Variants in ANO3 observed in about 807,000 individuals in gnomAD.
ANO3 encodes the protein anoctamin 3, also known as anoctamin-3.
Under a neutral mutation model 144.8 loss-of-function variants are expected in ANO3, and 99 were observed. The observed-to-expected ratio is 0.68, with a 90% CI of 0.58 to 0.81. The LOEUF (loss-of-function observed/expected upper bound fraction) is 0.81, where lower values mean the gene tolerates loss of function less well. ANO3 is among the 30% of genes least tolerant of loss of function. The pLI is 0.00. For synonymous variants in ANO3, 414 were observed against 392.6 expected (o/e 1.05, Z -0.64); for missense variants, 905 against 1,202.2 (o/e 0.75, Z 3.66).
At chr11:26,365,967 TATATATATATATATATATATATA>T (rs1564984748) in intron 1 of ANO3, among the ~76,000 whole-genome samples, 1 of 1,630 alleles carries the variant, frequency 6.1e-4, no homozygotes, top group African/African-American at 8.6e-4. Context: ...TATATATATA[TATATATATATATATATATATATA>T]TATATATATA....
chr11:26,317,527 T>C (rs1433381641), intron 1 of ANO3, among the ~76,000 whole-genome samples: 1 of 152,146 alleles, frequency 6.6e-6, no homozygotes, highest in Non-Finnish European at 1.5e-5. Flanking sequence ...TCACTGGTCA[T>C]TACAGAAACG....
chr11:26,470,801 T>C (rs560284724), intron 4 of ANO3, among the ~76,000 whole-genome samples: 103 of 152,120 alleles, frequency 6.8e-4, no homozygotes, highest in Admixed American at 4.6e-4. Flanking sequence ...TAAGTATTCA[T>C]AGATTTAAGC....
Position 26,405,268 on chromosome 11 carries a change from A to G in ANO3, c.47-36650A>G, listed in dbSNP as rs895571672. On this transcript the variant is annotated intron_variant, in intron 1 of 26. Transcript: ENST00000256737. The stretch of plus-strand genomic sequence containing the variant: ...ATGCTTGAAATAACCCATTTCTAGA[A>G]TTCTCCTCAGTCACCTTTGGATATC... 2.0e-5 allele frequency among the ~76,000 whole-genome samples: 3 copies of G among 151,676 alleles called. No homozygotes were observed. The East Asian group carries it at 5.8e-4, about 29-fold the overall frequency.
At chr11:26,570,078 A>G (rs944280826) in intron 14 of ANO3, among the ~76,000 whole-genome samples, 2 of 152,140 alleles carry the variant, frequency 1.3e-5, no homozygotes, top group Non-Finnish European at 2.9e-5. Context: ...GAGGATTTCC[A>G]GTTCCTTTGT....
At position 26,641,989 on chromosome 11, in the gene ANO3, C is replaced by G; in HGVS notation, c.2235C>G (p.Pro745=). 1 of 1,613,902 alleles carries G rather than the reference C, an allele frequency of 6.2e-7. No individual in the cohort carries two copies. Among genetic ancestry groups the G allele is most frequent in the Non-Finnish European group, 8.5e-7 (1 of 1,179,940 alleles). ...PQWENDWNLQ[P]MNLHGLMDEY... ...GGGAAAATGATTGGAATCTGCAGCC[C>G]ATGAACCTTCATGGACTGATGGATG... Residue 745 remains proline, a synonymous_variant, in exon 22 of 27, where the codon CCC becomes CCG. Coordinates refer to ENST00000256737, the MANE Select transcript of ANO3 (RefSeq NM_031418.4).
chr11:26,364,096 A>C (rs748232505), intron 1 of ANO3, among the ~76,000 whole-genome samples: 2 of 152,186 alleles, frequency 1.3e-5, no homozygotes, highest in Non-Finnish European at 2.9e-5. Flanking sequence ...TGTTTTAACT[A>C]CAGCATTCGC....
chr11:26,195,067 G>A (rs1006157695), intron 1 of ANO3, among the ~76,000 whole-genome samples: 2 of 152,138 alleles, frequency 1.3e-5, no homozygotes, highest in Admixed American at 6.5e-5. Context: ...GGGCATTCCT[G>A]TTTTTCTACC....
intron 1 of ANO3, among the ~76,000 whole-genome samples, chr11:26,372,594 T>C (rs1856292431): frequency 6.6e-6 from 1 of 152,238 alleles, no homozygotes; most frequent in Non-Finnish European, 1.5e-5. Context: ...TCAATTATTT[T>C]CTTTATCAAA....
chr11:26,290,323 A>G (rs1853926409), intron 1 of ANO3, among the ~76,000 whole-genome samples: 1 of 151,856 alleles, frequency 6.6e-6, no homozygotes, highest in African/African-American at 2.4e-5. Context: ...TAGTCTTGCT[A>G]GTGGTCTATC....
At chr11:26,341,102 C>T (rs1855346885) in intron 1 of ANO3, among the ~76,000 whole-genome samples, 1 of 151,040 alleles carries the variant, frequency 6.6e-6, no homozygotes, top group Non-Finnish European at 1.5e-5. Flanking sequence ...CGCTTCTCTT[C>T]CCCTTTCCTT....
At chr11:26,596,614 A>G (rs1244303735) in intron 14 of ANO3, among the ~76,000 whole-genome samples, 1 of 152,146 alleles carries the variant, frequency 6.6e-6, no homozygotes, top group Non-Finnish European at 1.5e-5. Context: ...CCCTTTGGAG[A>G]TACAACCTGC....
At chr11:26,569,059 G>A (rs1322213078) in intron 14 of ANO3, among the ~76,000 whole-genome samples, 1 of 151,956 alleles carries the variant, frequency 6.6e-6, no homozygotes, top group East Asian at 1.9e-4. Context: ...AATATTATGT[G>A]AGAGACATGG....
chr11:26,486,229 C>T (rs1048057705), intron 4 of ANO3, among the ~76,000 whole-genome samples: 26 of 151,670 alleles, frequency 1.7e-4, no homozygotes, highest in Non-Finnish European at 3.7e-4. Context: ...GATGTGATGG[C>T]GTGCACCTGT....
upstream of ANO3, chr11:26,332,091 C>G: frequency 6.8e-7 from 1 of 1,462,904 alleles, no homozygotes; most frequent in Middle Eastern, 2.5e-4. Flanking sequence ...ACCGCCCTCC[C>G]GCGTTCCCAT....
rs548964440 is a variant in ANO3 at position 26,257,090 on chromosome 11, A to G, written c.155-52555A>G. Among the ~76,000 whole-genome samples the G allele has an allele frequency of 2.6e-5, 4 of 152,156 alleles. No individual in the cohort carries two copies. In the South Asian group the frequency reaches 8.3e-4, roughly 32 times the overall value. On this transcript the variant is annotated intron_variant, in intron 1 of 27. Coordinates refer to the ANO3 transcript ENST00000672621. ...CCTAAAAGGAATATAGAATTGAAGG[A>G]ATCATCAAAATCTAGATCATTAATA...
chr11:26,226,864 G>A (rs1035556428), intron 1 of ANO3, among the ~76,000 whole-genome samples: 2 of 151,958 alleles, frequency 1.3e-5, no homozygotes, highest in Admixed American at 1.3e-4. Context: ...TTGTTGTACA[G>A]CCATCACCAT....
chr11:26,521,435 A>G (rs561881503), intron 6 of ANO3, among the ~76,000 whole-genome samples: 1 of 152,264 alleles, frequency 6.6e-6, no homozygotes, highest in East Asian at 1.9e-4. Context: ...CTTCTGTCAT[A>G]AACATGAATC....
At chr11:26,476,514 A>G (rs969549532) in intron 4 of ANO3, among the ~76,000 whole-genome samples, 16 of 152,060 alleles carry the variant, frequency 1.1e-4, no homozygotes, top group Non-Finnish European at 1.5e-4. Flanking sequence ...GATGGCCAAG[A>G]GGAGAGGTGA....
chr11:26,260,784 A>G (rs1488556751), intron 1 of ANO3, among the ~76,000 whole-genome samples: 1 of 152,104 alleles, frequency 6.6e-6, no homozygotes, highest in Non-Finnish European at 1.5e-5. Context: ...GCATGGCTTC[A>G]GATCACTTTA....
Sources: gnomAD v4.1 joint callset for allele counts (sites outside exome capture counted in the v4.1 genomes callset) on GRCh38, gnomAD v4.1.1 for gene constraint, MANE v1.5 for transcripts, NCBI Gene and HGNC (gene_info 2026-07-23, HGNC 2026-07-21) for gene names.